ELMOD2: variants seen among roughly 807,000 people sequenced by gnomAD.
The protein encoded by ELMOD2 is ELMO domain containing 2.
ELMOD2 carries 28 observed loss-of-function variants against 41.0 expected under a neutral mutation model. The observed-to-expected ratio is 0.68, with a 90% CI of 0.51 to 0.94. The LOEUF is 0.94. ELMOD2 is among the 40% of genes least tolerant of loss of function. The pLI is 0.00. For synonymous variants in ELMOD2, 106 were observed against 107.2 expected, an observed-to-expected ratio of 0.99 and a Z score of 0.07; for missense variants, 333 against 343.1, an observed-to-expected ratio of 0.97 and a Z score of 0.23.
chr4:140,538,753 A>G (rs935354412), intron 5 of ELMOD2, among the ~76,000 whole-genome samples: 2 of 152,234 alleles, frequency 1.3e-5, no homozygotes, highest in African/African-American at 4.8e-5. Context: ...AGAGCTATGT[A>G]ATCTGTCTTG....
intron 1 of ELMOD2, 185 bp from the exon 2 acceptor site, chr4:140,525,235 A>C (rs980692186): frequency 2.0e-6 from 1 of 490,948 alleles, no homozygotes; most frequent in Non-Finnish European, 3.4e-6. Flanking sequence ...TGGCCATTTG[A>C]TCATCAATTA....
At chr4:140,524,356 C>T (rs149998004) in intron 1 of ELMOD2, 76 bp downstream of exon 1, 4,362 of 152,380 alleles carry the variant, frequency 0.029, 90 homozygotes, top group Middle Eastern at 0.079. Flanking sequence ...CTCGCGAGCC[C>T]CGCGGGGTTC....
chr4:140,552,345 CAAT>C lies in ELMOD2; in HGVS notation c.*1975_*1977del, dbSNP rs759681448. The C allele has an allele frequency of 4.6e-5, 7 of 152,106 alleles. No homozygotes were observed. The South Asian group carries it at 1.0e-3, about 23-fold the overall frequency. 9.4% of individuals were successfully genotyped at this position (152,106 alleles called of 1,614,324 possible). A position where few individuals can be genotyped will look rare whatever the true frequency, so the allele number is the denominator to read the frequency against. On this transcript the variant is annotated 3_prime_UTR_variant, in exon 9 of 9. Coordinates refer to ENST00000323570, the MANE Select transcript of ELMOD2 (RefSeq NM_153702.4). ...AGAAAATGTCATTATAGAGCTTGCT[CAAT>C]AATATGTTCTTTAAATCCACCTCCA...
intron 4 of ELMOD2, 147 bp from the exon 5 acceptor site, chr4:140,537,265 T>G: frequency 1.7e-6 from 1 of 598,204 alleles, no homozygotes; most frequent in Non-Finnish European, 2.6e-6. Context: ...TTACATAATG[T>G]TTTGTATTTA....
At chr4:140,550,161 T>C (rs1366448508) in intron 8 of ELMOD2, 69 bp from the exon 9 acceptor site, 2 of 1,343,146 alleles carry the variant, frequency 1.5e-6, no homozygotes, top group Non-Finnish European at 2.1e-6. Context: ...ATATACTTTG[T>C]AAAGATGAGA....
At chr4:140,535,881 G>A in intron 4 of ELMOD2, 51 bp downstream of exon 4, 1 of 1,497,488 alleles carries the variant, frequency 6.7e-7, no homozygotes, top group Non-Finnish European at 9.1e-7. Context: ...TAGCCTGTGA[G>A]GTATCAATAT....
rs765164582 is a variant in ELMOD2, at chr4:140,540,162, G to T, written c.400-6G>T. ...ATGTCTTAATAATGGAAATATATTT[G>T]TACAGCTTTGGAATCTTCTAATGCC... On this transcript the variant is annotated splice_region_variant and splice_polypyrimidine_tract_variant and intron_variant, in intron 5 of 8. Coordinates refer to ENST00000323570, the MANE Select transcript of ELMOD2 (RefSeq NM_153702.4). The T allele has an allele frequency of 5.6e-6, 9 of 1,612,768 alleles. No homozygotes were observed. The South Asian group carries it at 7.7e-5, about 14-fold the overall frequency.
chr4:140,535,603 C>G, intron 3 of ELMOD2, 130 bp from the exon 4 acceptor site: 2 of 713,618 alleles, frequency 2.8e-6, no homozygotes, highest in Non-Finnish European at 4.7e-6. Context: ...GTGAAATAAA[C>G]TGGTTGAAAC....
intron 3 of ELMOD2, 127 bp from the exon 4 acceptor site, chr4:140,535,606 G>A (rs1734895565): frequency 2.7e-6 from 2 of 752,800 alleles, no homozygotes; most frequent in South Asian, 3.4e-5. Context: ...AAATAAACTG[G>A]TTGAAACAAA....
At chr4:140,532,144 G>GT (rs1734768270) in intron 3 of ELMOD2, among the ~76,000 whole-genome samples, 1 of 151,384 alleles carries the variant, frequency 6.6e-6, no homozygotes, top group Non-Finnish European at 1.5e-5. Flanking sequence ...TACATAAAAA[G>GT]GATAATATGT....
At chr4:140,542,792 A>G (rs1735151471) in intron 7 of ELMOD2, 150 bp downstream of exon 7, 1 of 579,374 alleles carries the variant, frequency 1.7e-6, no homozygotes, top group African/African-American at 1.9e-5. Context: ...ATTATTTTTA[A>G]GGAAAAATGT....
chr4:140,537,684 G>A lies in ELMOD2; in HGVS notation c.399+143G>A, dbSNP rs192943760. 22 of 851,260 alleles carry A rather than the reference G, an allele frequency of 2.6e-5. No homozygotes were observed. The East Asian group carries it at 7.4e-4, about 29-fold the overall frequency. 52.7% of individuals were successfully genotyped at this position (851,260 alleles called of 1,614,324 possible). Reference sequence around the variant, plus strand: ...TGCCCTTAGAGAATTTTATTATGCTGGATTTCACTGATATGGAAAGATTTT... The same window carrying A: ...TGCCCTTAGAGAATTTTATTATGCTAGATTTCACTGATATGGAAAGATTTT... On this transcript the variant is annotated intron_variant, in intron 5 of 8. Transcript: ENST00000323570.
At chr4:140,524,544 G>A in intron 1 of ELMOD2, 1 of 961,540 alleles carries the variant, frequency 1.0e-6, no homozygotes, top group Non-Finnish European at 1.2e-6. Context: ...TAATGAGCGC[G>A]GACTAGATGG....
chr4:140,544,382 T>C (rs1175149261), intron 8 of ELMOD2, among the ~76,000 whole-genome samples: 1 of 152,150 alleles, frequency 6.6e-6, no homozygotes, highest in East Asian at 1.9e-4. Context: ...GCATCTTAAC[T>C]TTCTCTTGCA....
At chr4:140,531,373 AAATT>A (rs1168461770) in intron 3 of ELMOD2, among the ~76,000 whole-genome samples, 1 of 152,208 alleles carries the variant, frequency 6.6e-6, no homozygotes, top group Non-Finnish European at 1.5e-5. Flanking sequence ...TTATAAATAA[AAATT>A]AATGACTTAT....
intron 6 of ELMOD2, 111 bp from the exon 7 acceptor site, chr4:140,542,463 C>A: frequency 1.4e-6 from 1 of 712,062 alleles, no homozygotes; most frequent in Non-Finnish European, 2.3e-6. Flanking sequence ...TATCAGGATA[C>A]TCATGGCAAT....
intron 1 of ELMOD2, chr4:140,524,641 T>A: frequency 2.0e-6 from 2 of 985,480 alleles, no homozygotes; most frequent in Non-Finnish European, 2.4e-6. Context: ...CGACAGTCCC[T>A]CCTCAGGCCC....
chr4:140,548,126 C>G (rs1356248297), intron 8 of ELMOD2, among the ~76,000 whole-genome samples: 1 of 152,092 alleles, frequency 6.6e-6, no homozygotes, highest in Non-Finnish European at 1.5e-5. Context: ...GCAGTTTGTT[C>G]CAGGCCCATG....
chr4:140,540,044 A>G (rs192546625), intron 5 of ELMOD2, 124 bp from the exon 6 acceptor site: 2 of 1,146,434 alleles, frequency 1.7e-6, no homozygotes, highest in East Asian at 5.2e-5. Context: ...AGGATAATTG[A>G]AAAATGTTCT....
Sources: allele counts gnomAD v4.1 joint callset (sites outside exome capture counted in the v4.1 genomes callset), GRCh38; gene constraint gnomAD v4.1.1; transcripts MANE v1.5; gene names NCBI Gene and HGNC (gene_info 2026-07-23, HGNC 2026-07-21).